DLG2: variants seen among roughly 807,000 people sequenced by gnomAD.
The protein encoded by DLG2 is discs large MAGUK scaffold protein 2.
In DLG2, 45 loss-of-function variants were observed where a neutral mutation model predicts 132.5. The ratio of observed to expected loss-of-function variants is 0.34; its 90% CI spans 0.27 to 0.44. The LOEUF is 0.44. DLG2 is among the 20% of genes least tolerant of loss of function. The probability of loss-of-function intolerance (pLI) is 1.00; values close to 1 mark genes in which losing one functional copy is unlikely to be tolerated. For missense variants in DLG2, 1,045 were observed against 1,196.9 expected, an observed-to-expected ratio of 0.87 and a Z score of 1.87; for synonymous variants, 424 against 419.6, an observed-to-expected ratio of 1.01 and a Z score of -0.13.
At chr11:84,273,082 G>GCTC in intron 7 of DLG2, 1 of 1,292,906 alleles carries the variant, frequency 7.7e-7, no homozygotes, top group South Asian at 1.8e-5. Flanking sequence ...TTTCTCTATA[G>GCTC]ATACAACAGG....
intron 7 of DLG2, among the ~76,000 whole-genome samples, chr11:84,510,430 G>T (rs910269687): frequency 2.0e-5 from 3 of 151,846 alleles, no homozygotes; most frequent in South Asian, 2.1e-4. Flanking sequence ...AATTCCTAAG[G>T]GTTTGGCTCC....
chr11:84,729,039 T>C (rs1305189867), intron 6 of DLG2, among the ~76,000 whole-genome samples: 4 of 152,130 alleles, frequency 2.6e-5, no homozygotes, highest in Non-Finnish European at 5.9e-5. Context: ...AAAACCCAGC[T>C]CCTGGATTCA....
chr11:83,867,419 T>C (rs2062604620), intron 16 of DLG2, among the ~76,000 whole-genome samples: 1 of 152,090 alleles, frequency 6.6e-6, no homozygotes. Context: ...ATAGAAAAAA[T>C]ATTCTTTTTG....
intron 4 of DLG2, among the ~76,000 whole-genome samples, chr11:85,195,527 T>TG (rs2080969355): frequency 3.0e-5 from 4 of 133,492 alleles, no homozygotes; most frequent in Admixed American, 2.1e-4. Context: ...GACAGTGTTT[T>TG]TTTTTTTTTT....
At chr11:84,723,247 C>T (rs1458531237) in intron 6 of DLG2, among the ~76,000 whole-genome samples, 2 of 152,082 alleles carry the variant, frequency 1.3e-5, no homozygotes, top group Non-Finnish European at 2.9e-5. Flanking sequence ...GATGAATTAC[C>T]CAAGCTAAAG....
chr11:83,819,889 A>C lies in DLG2; in HGVS notation c.1722+13725T>G, dbSNP rs1438831064. Among the ~76,000 whole-genome samples, 5 of 152,132 alleles carry C rather than the reference A, an allele frequency of 3.3e-5. No individual in the cohort carries two copies. In the East Asian group the frequency reaches 9.6e-4, roughly 29 times the overall value. The stretch of plus-strand genomic sequence containing the variant: ...TTTCTCAAGAAATCTTGGCTATCAG[A>C]GCTCCCAGCTGATTCCTAGTGGTTT... On this transcript the variant is annotated intron_variant, in intron 17 of 27. Coordinates refer to ENST00000376104, the MANE Select transcript of DLG2 (RefSeq NM_001142699.3).
chr11:84,901,920 T>C (rs954035670), intron 6 of DLG2, among the ~76,000 whole-genome samples: 3 of 152,122 alleles, frequency 2.0e-5, no homozygotes, highest in Non-Finnish European at 4.4e-5. Context: ...AAGGCTGAGT[T>C]TGCAACACTA....
At chr11:83,881,378 C>A (rs567980240) in intron 15 of DLG2, among the ~76,000 whole-genome samples, 10 of 152,214 alleles carry the variant, frequency 6.6e-5, no homozygotes, top group African/African-American at 2.4e-4. Flanking sequence ...TTTAATGGTA[C>A]CGATTTTGAT....
At chr11:84,043,145 A>G (rs1355520512) in intron 11 of DLG2, among the ~76,000 whole-genome samples, 2 of 151,176 alleles carry the variant, frequency 1.3e-5, no homozygotes, top group Non-Finnish European at 3.0e-5. Context: ...GCAATTTATT[A>G]ATTAATTATA....
intron 6 of DLG2, among the ~76,000 whole-genome samples, chr11:84,861,830 T>C (rs895509405): frequency 3.3e-5 from 5 of 151,938 alleles, no homozygotes; most frequent in Non-Finnish European, 5.9e-5. Flanking sequence ...AGAAGACATT[T>C]ATGAGAACAA....
At chr11:84,105,147 C>T (rs547600541) in intron 9 of DLG2, among the ~76,000 whole-genome samples, 4 of 152,132 alleles carry the variant, frequency 2.6e-5, no homozygotes, top group African/African-American at 4.8e-5. Context: ...TATAAGGAAC[C>T]GCTTCATTGG....
chr11:83,588,583 C>G (rs1056719628), intron 19 of DLG2, among the ~76,000 whole-genome samples: 45 of 151,800 alleles, frequency 3.0e-4, no homozygotes, highest in African/African-American at 1.1e-3. Context: ...AGCAGAGCGC[C>G]TCTCCTCCTC....
At chr11:85,466,006 C>T (rs372522135) in intron 3 of DLG2, among the ~76,000 whole-genome samples, 6,298 of 151,974 alleles carry the variant, frequency 0.041, 150 homozygotes, top group Middle Eastern at 0.071. Flanking sequence ...TTCTAACTGG[C>T]GTGAGATGGT....
intron 11 of DLG2, among the ~76,000 whole-genome samples, chr11:83,993,376 GA>G (rs1241056382): frequency 6.6e-6 from 1 of 152,074 alleles, no homozygotes; most frequent in Admixed American, 6.6e-5. Flanking sequence ...GCTCAAGGGG[GA>G]AAAAGTATAT....
At chr11:83,968,357 C>T (rs930335980) in intron 12 of DLG2, among the ~76,000 whole-genome samples, 4 of 152,116 alleles carry the variant, frequency 2.6e-5, no homozygotes, top group Non-Finnish European at 4.4e-5. Context: ...CTCCATTAAG[C>T]CGTAAGCTTC....
chr11:85,435,115 TC>T (rs2091406619), intron 3 of DLG2, among the ~76,000 whole-genome samples: 1 of 152,132 alleles, frequency 6.6e-6, no homozygotes, highest in African/African-American at 2.4e-5. Flanking sequence ...AAATTCAACA[TC>T]CCTTCACATT....
At chr11:84,299,275 T>C (rs1271397422) in intron 7 of DLG2, among the ~76,000 whole-genome samples, 4 of 152,242 alleles carry the variant, frequency 2.6e-5, no homozygotes, top group Non-Finnish European at 5.9e-5. Context: ...CAGTAAGTGA[T>C]ACAAATAGAA....
chr11:83,800,247 T>C (rs1217922226), intron 17 of DLG2, among the ~76,000 whole-genome samples: 1 of 152,198 alleles, frequency 6.6e-6, no homozygotes, highest in East Asian at 1.9e-4. Context: ...CCTTCATCTC[T>C]CTGGGCCTCA....
chr11:85,127,032 C>A (rs1033356874), intron 5 of DLG2, among the ~76,000 whole-genome samples: 1 of 152,096 alleles, frequency 6.6e-6, no homozygotes, highest in African/African-American at 2.4e-5. Flanking sequence ...GAAGTCTGGG[C>A]AAGCTGGGAT....
Sources: gnomAD v4.1 joint callset for allele counts (sites outside exome capture counted in the v4.1 genomes callset) on GRCh38, gnomAD v4.1.1 for gene constraint, MANE v1.5 for transcripts, NCBI Gene and HGNC (gene_info 2026-07-23, HGNC 2026-07-21) for gene names.